The following SPTSSA variants were observed in gnomAD, a reference collection of about 807,000 sequenced individuals.
The protein encoded by SPTSSA is small subunit of serine palmitoyltransferase A.
SPTSSA carries 8 observed loss-of-function variants against 9.1 expected under a neutral mutation model. The ratio of observed to expected loss-of-function variants is 0.88; its 90% CI spans 0.51 to 1.58. The LOEUF is 1.58. Among genes scored for constraint, SPTSSA ranks in the 40% most tolerant of loss-of-function variants. SPTSSA has a pLI of 0.00. For missense variants in SPTSSA, 100 were observed against 93.8 expected, an observed-to-expected ratio of 1.07 and a Z score of -0.27; for synonymous variants, 42 against 37.7, an observed-to-expected ratio of 1.11 and a Z score of -0.41.
intron 1 of SPTSSA, among the ~76,000 whole-genome samples, chr14:34,438,918 G>A (rs1007275378): frequency 2.6e-5 from 4 of 152,138 alleles, no homozygotes; most frequent in African/African-American, 7.2e-5. Context: ...AGCACTTATA[G>A]GATTCTAAGG....
chr14:34,437,565 G>A (rs564161917), intron 1 of SPTSSA, among the ~76,000 whole-genome samples: 1 of 152,148 alleles, frequency 6.6e-6, no homozygotes, highest in South Asian at 2.1e-4. Flanking sequence ...TCAAAGCTTA[G>A]GACTTCAGCC....
rs1480555070 is a variant in SPTSSA, at chr14:34,447,368, C to A, written c.113-12064G>T. The stretch of plus-strand genomic sequence containing the variant: ...CATACTCCGAACTCTTGGTATTATC[C>A]TCCCAACAGTCATAATAATCGTCTC... On this transcript the variant is annotated intron_variant, in intron 1 of 1. Transcript: ENST00000298130. Among the ~76,000 whole-genome samples, 826 of 151,968 alleles carry A rather than the reference C, an allele frequency of 5.4e-3. 5 individuals are homozygous for A. Among genetic ancestry groups the A allele is most frequent in the African/African-American group, 0.018 (766 of 41,440 alleles).
chr14:34,434,833 C>A lies in SPTSSA; in HGVS notation c.*368G>T. On this transcript the variant is annotated 3_prime_UTR_variant, in exon 2 of 2. Coordinates refer to ENST00000298130, the MANE Select transcript of SPTSSA (RefSeq NM_138288.4). ...CATACAATAGCAAGAACAGTAAAGC[C>A]CAACTAATGATTTTGAGTTTTAAAA... The A allele has an allele frequency of 6.3e-6, 1 of 159,414 alleles. No individual in the cohort carries two copies. The highest frequency in any genetic ancestry group is 1.4e-5 in the Non-Finnish European group (1 of 72,426). The allele number at this position is 159,414 out of a possible 1,614,324, so 9.9% of individuals were successfully genotyped here.
chr14:34,441,040 G>C (rs1883308997), intron 1 of SPTSSA, among the ~76,000 whole-genome samples: 1 of 152,060 alleles, frequency 6.6e-6, no homozygotes, highest in South Asian at 2.1e-4. Context: ...TTTTTTGCCT[G>C]GTTAAAATAC....
In SPTSSA at chr14:34,434,241, T is replaced by C. The variant is rs1566420194; in HGVS notation, c.*960A>G. The C allele has an allele frequency of 6.6e-6, 1 of 152,246 alleles. No individual in the cohort carries two copies. Among genetic ancestry groups the C allele is most frequent in the Non-Finnish European group, 1.5e-5 (1 of 67,960 alleles). The allele number at this position is 152,246 out of a possible 1,614,324, so 9.4% of individuals were successfully genotyped here. ...TTTTACATTTAAGGAATAAAAACCT[T>C]AAAAAAAACAATACAAAGAGTGAAA... On this transcript the variant is annotated 3_prime_UTR_variant, in exon 2 of 2. Transcript: ENST00000298130.
At chr14:34,450,193 G>A (rs1042927348) in intron 1 of SPTSSA, among the ~76,000 whole-genome samples, 3 of 152,158 alleles carry the variant, frequency 2.0e-5, no homozygotes, top group Admixed American at 6.5e-5. Flanking sequence ...GAGGGTTTGA[G>A]CATTTAACAT....
At chr14:34,443,681 GCC>G (rs1457815358) in intron 1 of SPTSSA, among the ~76,000 whole-genome samples, 12 of 151,996 alleles carry the variant, frequency 7.9e-5, no homozygotes, top group East Asian at 5.8e-4. Context: ...GATTACAGGT[GCC>G]CGCCACCACA....
At chr14:34,443,160 TGTGTGTGTGTG>T (rs1437272071) in intron 1 of SPTSSA, among the ~76,000 whole-genome samples, 9 of 97,124 alleles carry the variant, frequency 9.3e-5, no homozygotes, top group Non-Finnish European at 1.3e-4. Context: ...TGTGTGTGTG[TGTGTGTGTGTG>T]TTTTGAGATT....
chr14:34,438,577 A>T (rs1167349021), intron 1 of SPTSSA, among the ~76,000 whole-genome samples: 1 of 152,102 alleles, frequency 6.6e-6, no homozygotes, highest in Non-Finnish European at 1.5e-5. Context: ...ATTCAAACTG[A>T]ACTCATTAAC....
chr14:34,443,167 G>A (rs1421562745), intron 1 of SPTSSA, among the ~76,000 whole-genome samples: 2 of 85,134 alleles, frequency 2.3e-5, no homozygotes, highest in East Asian at 5.9e-4. Flanking sequence ...GTGTGTGTGT[G>A]TGTGTTTTGA....
intron 1 of SPTSSA, among the ~76,000 whole-genome samples, chr14:34,457,910 T>C (rs915745301): frequency 6.5e-5 from 9 of 138,726 alleles, no homozygotes; most frequent in Non-Finnish European, 1.1e-4. Flanking sequence ...AGGCAGAGGC[T>C]GCAGTGAACC....
Position 34,443,198 on chromosome 14 carries a change from GGTGTGTGT to G in SPTSSA, c.113-7902_113-7895del, listed in dbSNP as rs76985104. On this transcript the variant is annotated intron_variant, in intron 1 of 1. Transcript: ENST00000298130. Reference sequence around the variant, plus strand: ...TTTGAGATTGAGTTTTCCTCTAGGGGGTGTGTGTGTGTGTGTGTGTGTGTGTGTGTGTG... The same window carrying G: ...TTTGAGATTGAGTTTTCCTCTAGGGGGTGTGTGTGTGTGTGTGTGTGTGTG... Among the ~76,000 whole-genome samples, 78 of 11,472 alleles carry G rather than the reference GGTGTGTGT, an allele frequency of 6.8e-3. 6 individuals carry two copies. The highest frequency in any genetic ancestry group is 7.2e-3 in the Non-Finnish European group (47 of 6,516). The allele number at this position is 11,472 out of a possible 152,430, so 7.5% of individuals were successfully genotyped here.
intron 1 of SPTSSA, among the ~76,000 whole-genome samples, chr14:34,436,802 G>C (rs541540181): frequency 6.6e-6 from 1 of 152,256 alleles, no homozygotes; most frequent in East Asian, 1.9e-4. Flanking sequence ...CCTGACTCAA[G>C]CCATAAACTC....
At chr14:34,451,714 T>C (rs868683172) in intron 1 of SPTSSA, among the ~76,000 whole-genome samples, 4 of 140,002 alleles carry the variant, frequency 2.9e-5, no homozygotes, top group Admixed American at 1.4e-4. Context: ...CGAGACTCTG[T>C]TTCAAAAAAA....
At chr14:34,442,900 C>T (rs971193627) in intron 1 of SPTSSA, among the ~76,000 whole-genome samples, 14 of 152,038 alleles carry the variant, frequency 9.2e-5, no homozygotes, top group African/African-American at 3.1e-4. Context: ...TATCTCATGG[C>T]TAAGGTTCCA....
At chr14:34,441,248 G>A (rs996714378) in intron 1 of SPTSSA, among the ~76,000 whole-genome samples, 4 of 152,112 alleles carry the variant, frequency 2.6e-5, no homozygotes, top group African/African-American at 7.2e-5. Context: ...ACATAAGGCC[G>A]ATTCACACTT....
At chr14:34,457,681 T>C (rs147568637) in intron 1 of SPTSSA, among the ~76,000 whole-genome samples, 33 of 152,286 alleles carry the variant, frequency 2.2e-4, no homozygotes, top group African/African-American at 7.7e-4. Context: ...AGAAGACAGA[T>C]GGTAGCCCAG....
intron 1 of SPTSSA, among the ~76,000 whole-genome samples, chr14:34,450,444 C>T (rs1319310850): frequency 2.0e-5 from 3 of 152,142 alleles, no homozygotes; most frequent in South Asian, 2.1e-4. Flanking sequence ...AAAATTAATC[C>T]GTTTTATGCA....
intron 1 of SPTSSA, among the ~76,000 whole-genome samples, chr14:34,456,238 C>T (rs560361651): frequency 1.3e-5 from 2 of 152,174 alleles, no homozygotes; most frequent in Admixed American, 6.5e-5. Context: ...AGAAGTATCA[C>T]TTGAACCCTG....
Sources: allele counts gnomAD v4.1 joint callset (sites outside exome capture counted in the v4.1 genomes callset), GRCh38; gene constraint gnomAD v4.1.1; transcripts MANE v1.5; gene names NCBI Gene and HGNC (gene_info 2026-07-23, HGNC 2026-07-21).